RHCE: variants seen among roughly 807,000 people sequenced by gnomAD.
RHCE encodes the protein Rh blood group CcEe antigens.
In RHCE, 22 loss-of-function variants were observed where a neutral mutation model predicts 43.8. That is an observed-to-expected ratio of 0.50 (90% CI 0.36 to 0.72). The LOEUF (loss-of-function observed/expected upper bound fraction) is 0.72. Ranked by LOEUF, RHCE falls within the 30% of genes least tolerant of loss-of-function variation. The pLI is 0.00. For missense variants in RHCE, 385 were observed against 525.4 expected (o/e 0.73, Z 2.61); for synonymous variants, 156 against 210.7 (o/e 0.74, Z 2.25).
chr1:25,404,025 G>C (rs932601196), intron 2 of RHCE, among the ~76,000 whole-genome samples: 33 of 150,282 alleles, frequency 2.2e-4, no homozygotes, highest in African/African-American at 8.1e-4. Flanking sequence ...AAAATTACCC[G>C]GGCATGGTGG....
chr1:25,409,481 C>T lies in RHCE; in HGVS notation c.149-612G>A, dbSNP rs1323619365. 1.6e-5 allele frequency among the ~76,000 whole-genome samples: 2 copies of T among 124,642 alleles called. 1 individual carries two copies. The highest frequency in any genetic ancestry group is 3.7e-5 in the Non-Finnish European group (2 of 54,464). The allele number at this position is 124,642 out of a possible 152,430, so 81.8% of individuals were successfully genotyped here. On this transcript the variant is annotated intron_variant, in intron 1 of 9. Coordinates refer to ENST00000294413, the MANE Select transcript of RHCE (RefSeq NM_020485.8). ...CCACCTGGGTAGCCCTCACCTTTCCCAGTCTCAGACCCTGAGCAGAGGCTG... is the reference window on the plus strand; with the variant it reads ...CCACCTGGGTAGCCCTCACCTTTCCTAGTCTCAGACCCTGAGCAGAGGCTG...
Position 25,409,416 on chromosome 1 carries a change from G to T in RHCE, c.149-547C>A, listed in dbSNP as rs1647005945. 1.6e-5 allele frequency among the ~76,000 whole-genome samples: 2 copies of T among 124,208 alleles called. 1 individual carries two copies. Among genetic ancestry groups the T allele is most frequent in the African/African-American group, 5.0e-5 (2 of 39,866 alleles). The allele number at this position is 124,208 out of a possible 152,430, so 81.5% of individuals were successfully genotyped here. A position where few individuals can be genotyped will look rare whatever the true frequency, so the allele number is the denominator to read the frequency against. ...AACCTCCCTCCCTTTGCCGCCTGCT[G>T]CGAGGGACCTGGTGAGCTGGCTGGC... On this transcript the variant is annotated intron_variant, in intron 1 of 9. Coordinates refer to ENST00000294413, the MANE Select transcript of RHCE (RefSeq NM_020485.8).
intron 3 of RHCE, among the ~76,000 whole-genome samples, chr1:25,402,233 T>TATCC: frequency 6.6e-6 from 1 of 152,038 alleles, no homozygotes; most frequent in Non-Finnish European, 1.5e-5. Context: ...TCTATCTATC[T>TATCC]ATCTATCTAT....
At chr1:25,404,140 C>A (rs1192441372) in intron 2 of RHCE, among the ~76,000 whole-genome samples, 1 of 135,496 alleles carries the variant, frequency 7.4e-6, no homozygotes, top group Non-Finnish European at 1.5e-5. Flanking sequence ...TGCACTCCAG[C>A]CTGGGCGACA....
At chr1:25,386,263 T>C (rs546881675) in intron 6 of RHCE, among the ~76,000 whole-genome samples, 1 of 152,306 alleles carries the variant, frequency 6.6e-6, no homozygotes, top group South Asian at 2.1e-4. Flanking sequence ...CACCCCACTG[T>C]GTCAACCAAG....
intron 3 of RHCE, among the ~76,000 whole-genome samples, chr1:25,397,805 G>GTA (rs1340268044): frequency 6.8e-6 from 1 of 147,784 alleles, no homozygotes; most frequent in Non-Finnish European, 1.5e-5. Context: ...GTCATTACCA[G>GTA]TAACTGTTGC....
At chr1:25,395,271 T>C (rs1479533775) in intron 3 of RHCE, among the ~76,000 whole-genome samples, 1 of 146,864 alleles carries the variant, frequency 6.8e-6, no homozygotes, top group Admixed American at 6.8e-5. Context: ...TGAGACTAAC[T>C]GAGAGAAAAG....
In RHCE at chr1:25,402,889, C is replaced by T. The variant is rs541385768; in HGVS notation, c.336-143G>A. On this transcript the variant is annotated intron_variant, in intron 2 of 9. Coordinates refer to ENST00000294413, the MANE Select transcript of RHCE (RefSeq NM_020485.8). ...AAGACAAGATTTCTACCCACCTGGG[C>T]GCTGATGCTGCAGAGTGGAGTGACC... The T allele has an allele frequency of 1.0e-4, 123 of 1,217,864 alleles. No individual in the cohort carries two copies. The South Asian group carries it at 1.2e-3, about 12-fold the overall frequency. The allele number at this position is 1,217,864 out of a possible 1,614,324, so 75.4% of individuals were successfully genotyped here.
At chr1:25,380,205 A>G (rs1645951543) in intron 7 of RHCE, among the ~76,000 whole-genome samples, 1 of 140,776 alleles carries the variant, frequency 7.1e-6, no homozygotes, top group Non-Finnish European at 1.5e-5. Context: ...CAAGGGAAAA[A>G]GGGTAACTGG....
At chr1:25,394,600 C>T (rs1302141002) in intron 3 of RHCE, among the ~76,000 whole-genome samples, 1 of 152,162 alleles carries the variant, frequency 6.6e-6, no homozygotes, top group Non-Finnish European at 1.5e-5. Context: ...TATTGGCAGT[C>T]TTTCCTTCTG....
intron 2 of RHCE, among the ~76,000 whole-genome samples, chr1:25,427,274 G>A (rs2042811463): frequency 6.6e-6 from 1 of 152,196 alleles, no homozygotes; most frequent in Non-Finnish European, 1.5e-5. Flanking sequence ...GCTGTTCTGG[G>A]CTCAGCTGAA....
intron 1 of RHCE, chr1:25,429,140 G>A (rs904561989): frequency 6.6e-6 from 1 of 151,140 alleles, no homozygotes; most frequent in Non-Finnish European, 1.5e-5. Flanking sequence ...GGTAGATGTT[G>A]ATTAAGGGAG....
chr1:25,402,206 GTCTATCTA>G (rs56985100), intron 3 of RHCE, among the ~76,000 whole-genome samples: 125 of 130,472 alleles, frequency 9.6e-4, no homozygotes, highest in South Asian at 3.0e-3. Context: ...CTGTCTGTCT[GTCTATCTA>G]TCTATCTATC....
At chr1:25,422,297 G>A, upstream of RHCE, among the ~76,000 whole-genome samples, 1 of 152,132 alleles carries the variant, frequency 6.6e-6, no homozygotes, top group Non-Finnish European at 1.5e-5. Context: ...AAAAGCAAGA[G>A]GAAAACGCTT....
chr1:25,368,002 C>A lies in RHCE; in HGVS notation c.1227+2465G>T, dbSNP rs575327788. Among the ~76,000 whole-genome samples, 7 of 150,730 alleles carry A rather than the reference C, an allele frequency of 4.6e-5. No homozygotes were observed. The South Asian group carries it at 1.5e-3, about 31-fold the overall frequency. ...ACAAAAAAATTACAGAAAACGCAAA[C>A]CTTAGTGACAGAAAGTAGTTCAGTG... is the stretch of plus-strand genomic sequence containing the variant. On this transcript the variant is annotated intron_variant, in intron 9 of 9. Transcript: ENST00000294413.
intron 6 of RHCE, among the ~76,000 whole-genome samples, chr1:25,388,585 C>T (rs1646256714): frequency 1.3e-5 from 2 of 151,918 alleles, no homozygotes; most frequent in African/African-American, 2.4e-5. Context: ...AGACTACACC[C>T]CACAATGTGG....
chr1:25,409,956 G>A (rs1483271069), intron 1 of RHCE, among the ~76,000 whole-genome samples: 1 of 152,006 alleles, frequency 6.6e-6, no homozygotes, highest in Non-Finnish European at 1.5e-5. Flanking sequence ...GAGTACAGTG[G>A]CGAGATCTTG....
At chr1:25,376,379 A>G (rs1365501898) in intron 7 of RHCE, among the ~76,000 whole-genome samples, 3 of 152,230 alleles carry the variant, frequency 2.0e-5, no homozygotes, top group African/African-American at 7.2e-5. Context: ...ACAACAAGCC[A>G]GTTTTTTAAG....
intron 1 of RHCE, among the ~76,000 whole-genome samples, chr1:25,415,006 C>T (rs969688204): frequency 6.6e-6 from 1 of 152,084 alleles, no homozygotes; most frequent in African/African-American, 2.4e-5. Flanking sequence ...ATATCATAGG[C>T]CCCTTAACTC....
Sources: gnomAD v4.1 joint callset for allele counts (sites outside exome capture counted in the v4.1 genomes callset) on GRCh38, gnomAD v4.1.1 for gene constraint, MANE v1.5 for transcripts, NCBI Gene and HGNC (gene_info 2026-07-23, HGNC 2026-07-21) for gene names.